Variants in MTCH2 observed in about 807,000 individuals in gnomAD.
The protein encoded by MTCH2 is mitochondrial carrier 2.
Under a neutral mutation model 50.6 loss-of-function variants are expected in MTCH2, and 25 were observed. The ratio of observed to expected loss-of-function variants is 0.49; its 90% confidence interval spans 0.36 to 0.69. The LOEUF is 0.69. Ranked by LOEUF, MTCH2 falls within the 30% of genes least tolerant of loss-of-function variation. MTCH2 has a pLI of 0.00. For missense variants in MTCH2, 273 were observed against 384.4 expected (o/e 0.71, Z 2.42); for synonymous variants, 106 against 132.0 (o/e 0.80, Z 1.35).
downstream of MTCH2, among the ~76,000 whole-genome samples, chr11:47,612,676 C>G (rs902900795): frequency 6.6e-6 from 1 of 150,808 alleles, no homozygotes; most frequent in African/African-American, 2.4e-5. Flanking sequence ...TGAGCTGAGA[C>G]TGCACCACTA....
At chr11:47,611,200 G>T in the MTCH2 span, among the ~76,000 whole-genome samples, 1 of 152,180 alleles carries the variant, frequency 6.6e-6, no homozygotes, top group Non-Finnish European at 1.5e-5. Flanking sequence ...ACAGAACTCT[G>T]CCCAAGCTAC....
intron 5 of MTCH2, among the ~76,000 whole-genome samples, chr11:47,632,310 T>G (rs1478870452): frequency 6.6e-6 from 1 of 152,098 alleles, no homozygotes; most frequent in Non-Finnish European, 1.5e-5. Flanking sequence ...TCTTTGCATT[T>G]AGGTTCTGGG....
Position 47,631,707 on chromosome 11 carries a change from G to A in MTCH2, c.374C>T (p.Thr125Ile), listed in dbSNP as rs2097303213. 1.9e-6 allele frequency: 3 copies of A among 1,613,950 alleles called. No individual in the cohort carries two copies. The highest frequency in any genetic ancestry group is 1.3e-5 in the African/African-American group (1 of 74,906). ...SSFDHVIKET[T>I]REMIARSAAT... ...AGCAGAACGAGCGATCATCTCTCGA[G>A]TTGTCTAGAAACAATCAACACACAC... Residue 125 changes from threonine to isoleucine, a missense_variant, in exon 6 of 13, where the codon ACT becomes ATT. Physicochemically the swap from Thr to Ile is moderately conservative, Grantham distance 89 (BLOSUM62 -1). This residue lies in a region of MTCH2 where 203 missense variants were observed against 244.3 expected (regional missense o/e 0.83). Transcript: ENST00000302503.
chr11:47,612,106 A>G, the MTCH2 span, among the ~76,000 whole-genome samples: 1 of 152,204 alleles, frequency 6.6e-6, no homozygotes, highest in African/African-American at 2.4e-5. Flanking sequence ...TAGCCAAGAT[A>G]GTCTCCTGAA....
intron 3 of MTCH2, among the ~76,000 whole-genome samples, chr11:47,637,434 G>C (rs2097309760): frequency 6.6e-6 from 1 of 152,140 alleles, no homozygotes; most frequent in African/African-American, 2.4e-5. Context: ...TTGATATTAA[G>C]ACTGAAGAGC....
chr11:47,631,039 T>G lies in MTCH2; in HGVS notation c.476A>C (p.Tyr159Ser), dbSNP rs774651386. The change falls in exon 7 of 13, where the codon TAC becomes TCC. Residue 159 changes from tyrosine to serine, a missense_variant. Coordinates refer to ENST00000302503, the MANE Select transcript of MTCH2 (RefSeq NM_014342.4). ...ATGTGAAAACAAAAATACTTACCAG[T>G]ACTTGGATTCTCTGCCAATGAACTG... ...MVQFIGRESKYCGLCDSIITI... is the reference protein window; with the variant it reads ...MVQFIGRESKSCGLCDSIITI... The G allele has an allele frequency of 6.2e-7, 1 of 1,610,648 alleles. No individual in the cohort carries two copies. The highest frequency in any genetic ancestry group is 8.5e-7 in the Non-Finnish European group (1 of 1,176,896).
intron 12 of MTCH2, among the ~76,000 whole-genome samples, chr11:47,619,641 A>T (rs2153798165): frequency 6.6e-6 from 1 of 152,334 alleles, no homozygotes; most frequent in Admixed American, 6.5e-5. Flanking sequence ...CATCTCTACA[A>T]GAAATTAAAA....
intron 10 of MTCH2, among the ~76,000 whole-genome samples, chr11:47,626,770 G>A (rs2097298606): frequency 6.6e-6 from 1 of 151,926 alleles, no homozygotes. Flanking sequence ...GCACCACCAC[G>A]CTCGGCTAAT....
chr11:47,614,996 C>T (rs189973807), downstream of MTCH2, among the ~76,000 whole-genome samples: 16 of 150,350 alleles, frequency 1.1e-4, 1 homozygote, highest in East Asian at 2.9e-3. Flanking sequence ...AGACCAGCCA[C>T]GACCCCACTA....
intron 4 of MTCH2, 33 bp from the exon 5 acceptor site, chr11:47,634,767 TG>T: frequency 7.9e-7 from 1 of 1,259,654 alleles, no homozygotes; most frequent in Non-Finnish European, 1.1e-6. Flanking sequence ...ATAGAGATCT[TG>T]ATTTTTTTTT....
At chr11:47,605,175 G>A in the MTCH2 span, among the ~76,000 whole-genome samples, 8 of 152,008 alleles carry the variant, frequency 5.3e-5, no homozygotes, top group African/African-American at 1.9e-4. Flanking sequence ...TGATCCGCCC[G>A]CCTCGGCCTC....
intron 3 of MTCH2, among the ~76,000 whole-genome samples, chr11:47,637,224 G>A (rs920767053): frequency 2.0e-5 from 3 of 151,946 alleles, no homozygotes; most frequent in African/African-American, 7.3e-5. Context: ...TGCTGACCTC[G>A]GCTGATCCAC....
the MTCH2 span, among the ~76,000 whole-genome samples, chr11:47,609,143 A>AAAAG: frequency 6.8e-6 from 1 of 147,068 alleles, no homozygotes; most frequent in African/African-American, 2.5e-5. Flanking sequence ...AAAAAAAAAA[A>AAAAG]AAAGAAAAAA....
At chr11:47,623,927 C>T (rs2097295604) in intron 11 of MTCH2, among the ~76,000 whole-genome samples, 1 of 152,108 alleles carries the variant, frequency 6.6e-6, no homozygotes, top group East Asian at 1.9e-4. Flanking sequence ...TGGCAAGTGC[C>T]TATAATCCCA....
chr11:47,639,701 A>C (rs1050263151), intron 1 of MTCH2, among the ~76,000 whole-genome samples: 1 of 151,770 alleles, frequency 6.6e-6, no homozygotes, highest in Non-Finnish European at 1.5e-5. Context: ...AGCCGGGCGT[A>C]GGGGCGGGCG....
intron 8 of MTCH2, among the ~76,000 whole-genome samples, chr11:47,630,121 C>T (rs560377403): frequency 1.3e-5 from 2 of 152,234 alleles, no homozygotes; most frequent in East Asian, 3.9e-4. Context: ...TTCCACCTCC[C>T]GGGTTCATGC....
At chr11:47,612,336 G>A (rs1204944565), downstream of MTCH2, among the ~76,000 whole-genome samples, 1 of 152,194 alleles carries the variant, frequency 6.6e-6, no homozygotes, top group Non-Finnish European at 1.5e-5. Flanking sequence ...GGGAGGCTGA[G>A]ATGGGCGGAT....
chr11:47,613,341 A>G (rs2097286622), downstream of MTCH2, among the ~76,000 whole-genome samples: 1 of 152,136 alleles, frequency 6.6e-6, no homozygotes, highest in Non-Finnish European at 1.5e-5. Context: ...GGTAAGACAA[A>G]TATCTTTGTA....
intron 9 of MTCH2, 151 bp from the exon 10 acceptor site, chr11:47,627,278 A>T (rs537305756): frequency 1.9e-6 from 1 of 527,316 alleles, no homozygotes; most frequent in African/African-American, 2.0e-5. Context: ...CCTGAAGCAC[A>T]CATCACCACG....
Sources: gnomAD v4.1 joint callset for allele counts (sites outside exome capture counted in the v4.1 genomes callset) on GRCh38, gnomAD v4.1.1 for gene constraint, gnomAD v4.1.1 regional missense constraint, MANE v1.5 for transcripts, NCBI Gene and HGNC (gene_info 2026-07-23, HGNC 2026-07-21) for gene names.